TRAK2: variants seen among roughly 807,000 people sequenced by gnomAD.
TRAK2 encodes the protein trafficking kinesin protein 2.
TRAK2 carries 81 observed loss-of-function variants against 104.6 expected under a neutral mutation model. The observed-to-expected ratio is 0.77, with a 90% CI of 0.65 to 0.93. The LOEUF is 0.93. Among genes scored for constraint, TRAK2 ranks in the 40% least tolerant of loss-of-function variants. TRAK2 has a pLI of 0.00. For synonymous variants in TRAK2, 406 were observed against 394.4 expected (o/e 1.03, Z -0.35); for missense variants, 1,002 against 1,089.0 (o/e 0.92, Z 1.12).
chr2:201,387,700 T>C lies in TRAK2; in HGVS notation c.1696+3A>G. The C allele has an allele frequency of 6.3e-7, 1 of 1,584,624 alleles. No individual in the cohort carries two copies. The highest frequency in any genetic ancestry group is 1.1e-5 in the South Asian group (1 of 87,284). On this transcript the variant is annotated splice_donor_region_variant and intron_variant, in intron 13 of 15. Transcript: ENST00000332624. ...TTAGTAAGGGCCCTTACTGATTTAT[T>C]ACCTTCAAGGGGCTTGACAATTTGT... is the stretch of plus-strand genomic sequence containing the variant.
Position 201,407,480 on chromosome 2 carries a change from G to C in TRAK2, c.209C>G (p.Thr70Ser), listed in dbSNP as rs745310814. 4 of 1,614,014 alleles carry C rather than the reference G, an allele frequency of 2.5e-6. No homozygotes were observed. The highest frequency in any genetic ancestry group is 3.4e-6 in the Non-Finnish European group (4 of 1,179,860). Residue 70 changes from threonine to serine, a missense_variant, in exon 3 of 16, where the codon ACT (threonine) becomes AGT (serine). Thr to Ser is a moderately conservative substitution (Grantham distance 58, BLOSUM62 1). Transcript: ENST00000332624. ...TLFLYENQDW[T>S]QSPHQRQHAS... ...ATGCTGCCGCTGGTGTGGAGACTGAGTCCAGTCTTGATTTTCATATAGAAA... is the reference window on the plus strand; with the variant it reads ...ATGCTGCCGCTGGTGTGGAGACTGACTCCAGTCTTGATTTTCATATAGAAA...
intron 15 of TRAK2, among the ~76,000 whole-genome samples, chr2:201,383,585 G>C (rs1559436105): frequency 6.6e-6 from 1 of 152,336 alleles, no homozygotes; most frequent in Middle Eastern, 3.4e-3. Flanking sequence ...AAGGACACGT[G>C]TAGAATTCTC....
chr2:201,385,782 TCTCA>T (rs1307796883), intron 14 of TRAK2, among the ~76,000 whole-genome samples: 4 of 152,248 alleles, frequency 2.6e-5, no homozygotes, highest in Non-Finnish European at 5.9e-5. Flanking sequence ...CAACTGTTTT[TCTCA>T]CTATGTAAAA....
intron 12 of TRAK2, among the ~76,000 whole-genome samples, chr2:201,389,062 A>C (rs1329644609): frequency 6.6e-6 from 1 of 152,214 alleles, no homozygotes; most frequent in African/African-American, 2.4e-5. Flanking sequence ...GATTATGAGC[A>C]CGGATTATGA....
In TRAK2 at chr2:201,386,354, A is replaced by G. The variant is rs755429917; in HGVS notation, c.1827T>C (p.Asp609=). 1.2e-6 allele frequency: 2 copies of G among 1,614,158 alleles called. No homozygotes were observed. The highest frequency in any genetic ancestry group is 1.7e-6 in the Non-Finnish European group (2 of 1,180,012). The change falls in exon 14 of 16, where the codon GAT becomes GAC. Residue 609 remains aspartate, a synonymous_variant. Coordinates refer to ENST00000332624, the MANE Select transcript of TRAK2 (RefSeq NM_015049.3). Reference sequence around the variant, plus strand: ...TACCCTCCTCTTCATCCTCTTCTAAATCTGAGATGTGATAAATAGCATCCC... The same window carrying G: ...TACCCTCCTCTTCATCCTCTTCTAAGTCTGAGATGTGATAAATAGCATCCC... ...LPGDAIYHIS[D]LEEDEEEGIT...
chr2:201,437,890 C>A (rs1371051189), intron 1 of TRAK2, among the ~76,000 whole-genome samples: 1 of 152,186 alleles, frequency 6.6e-6, no homozygotes, highest in Non-Finnish European at 1.5e-5. Context: ...GTTTTTCATG[C>A]AGACTTTCTT....
At chr2:201,410,994 T>C (rs1171575990) in intron 2 of TRAK2, 7 of 1,460,200 alleles carry the variant, frequency 4.8e-6, no homozygotes, top group Non-Finnish European at 6.7e-6. Flanking sequence ...TCCTGAAGTC[T>C]GAAAGCCCAT....
intron 1 of TRAK2, among the ~76,000 whole-genome samples, chr2:201,448,276 T>C (rs2125665659): frequency 6.6e-6 from 1 of 152,386 alleles, no homozygotes; most frequent in East Asian, 1.9e-4. Flanking sequence ...GATTTTGATC[T>C]TGTCTTCTCT....
intron 9 of TRAK2, among the ~76,000 whole-genome samples, chr2:201,393,451 G>A (rs999198114): frequency 6.6e-6 from 1 of 152,100 alleles, no homozygotes; most frequent in East Asian, 1.9e-4. Flanking sequence ...AGCCTACAAA[G>A]TGTTATATAC....
In TRAK2 at chr2:201,423,037, C is replaced by CCACACACACACACA. The variant is rs142826543; in HGVS notation, c.-199-2345_-199-2332dup. Reference sequence around the variant, plus strand: ...TGGAATAACAACAGCAACACCACCACCACACACACACACACACACACACAC... The same window carrying CCACACACACACACA: ...TGGAATAACAACAGCAACACCACCACCACACACACACACACACACACACACACACACACACACAC... On this transcript the variant is annotated intron_variant, in intron 1 of 15. Transcript: ENST00000332624. 1.6e-3 allele frequency among the ~76,000 whole-genome samples: 212 copies of CCACACACACACACA among 134,220 alleles called. 1 individual carries two copies. The highest frequency in any genetic ancestry group is 3.2e-3 in the African/African-American group (112 of 35,388). The allele number at this position is 134,220 out of a possible 152,430, so 88.1% of individuals were successfully genotyped here. A position where few individuals can be genotyped will look rare whatever the true frequency, so the allele number is the denominator to read the frequency against.
rs538800729 is a variant in TRAK2, at chr2:201,430,621, T to C, written c.-199-9915A>G. 3.3e-5 allele frequency among the ~76,000 whole-genome samples: 5 copies of C among 152,362 alleles called. No homozygotes were observed. The South Asian group carries it at 1.0e-3, about 32-fold the overall frequency. ...CCAAGGCTCCGTGGGCATGGGACCC[T>C]CTGAGCCAGGCATGGGATATAATGT... On this transcript the variant is annotated intron_variant, in intron 1 of 15. Transcript: ENST00000332624.
chr2:201,398,026 T>G (rs2125645811), intron 6 of TRAK2, 119 bp downstream of exon 6: 1 of 945,014 alleles, frequency 1.1e-6, no homozygotes, highest in African/African-American at 1.6e-5. Context: ...TGTCCACGAC[T>G]CTCTAATTGG....
At chr2:201,396,751 G>A (rs1296758014) in intron 7 of TRAK2, among the ~76,000 whole-genome samples, 1 of 152,120 alleles carries the variant, frequency 6.6e-6, no homozygotes, top group African/African-American at 2.4e-5. Context: ...CTGAAGGCAG[G>A]TAGTATATAC....
intron 2 of TRAK2, chr2:201,410,528 C>T: frequency 9.4e-7 from 1 of 1,062,094 alleles, no homozygotes. Context: ...TGAAATAATC[C>T]TTCAAAATAG....
chr2:201,385,739 A>G (rs1282434439), intron 14 of TRAK2, among the ~76,000 whole-genome samples: 2 of 152,238 alleles, frequency 1.3e-5, no homozygotes, highest in Admixed American at 6.5e-5. Context: ...GAATAAAGCT[A>G]TTTTGTATTA....
At chr2:201,423,684 G>A (rs1951762285) in intron 1 of TRAK2, 1 of 152,182 alleles carries the variant, frequency 6.6e-6, no homozygotes, top group South Asian at 2.1e-4. Context: ...AAATTTCACT[G>A]AATTATACAC....
chr2:201,394,343 C>CTTTTTT lies in TRAK2; in HGVS notation c.975+454_975+455insAAAAAA, dbSNP rs369969654. On this transcript the variant is annotated intron_variant, in intron 9 of 15. Coordinates refer to ENST00000332624, the MANE Select transcript of TRAK2 (RefSeq NM_015049.3). Reference sequence around the variant, plus strand: ...ACTTTTAAAATGCTTTATTCTTTTTCTTTCTTTTTTTTTTTTTGAGACGAA... The same window carrying CTTTTTT: ...ACTTTTAAAATGCTTTATTCTTTTTCTTTTTTTTTCTTTTTTTTTTTTTGAGACGAA... Among the ~76,000 whole-genome samples the CTTTTTT allele has an allele frequency of 5.5e-5, 7 of 126,588 alleles. 3 individuals carry two copies. Among genetic ancestry groups the CTTTTTT allele is most frequent in the Non-Finnish European group, 1.2e-4 (7 of 59,442 alleles). 83.0% of individuals were successfully genotyped at this position (126,588 alleles called of 152,430 possible). A position where few individuals can be genotyped will look rare whatever the true frequency, so the allele number is the denominator to read the frequency against.
At chr2:201,425,328 AAAC>A (rs1164017781) in intron 1 of TRAK2, among the ~76,000 whole-genome samples, 1 of 152,380 alleles carries the variant, frequency 6.6e-6, no homozygotes, top group African/African-American at 2.4e-5. Flanking sequence ...TAGGTAAACT[AAAC>A]AACAGACTTC....
rs898623122 is a variant in TRAK2 at position 201,392,898 on chromosome 2, T to C, written c.1113+11A>G. The C allele has an allele frequency of 4.4e-6, 7 of 1,603,704 alleles. No individual in the cohort carries two copies. Among genetic ancestry groups the C allele is most frequent in the Non-Finnish European group, 6.0e-6 (7 of 1,176,408 alleles). On this transcript the variant is annotated intron_variant, in intron 10 of 15. Coordinates refer to ENST00000332624, the MANE Select transcript of TRAK2 (RefSeq NM_015049.3). ...TTCTTTAAATACATAGCATCTTTCTTAGTTGCTTACCCCAGTAAAAGCTCC... is the reference window on the plus strand; with the variant it reads ...TTCTTTAAATACATAGCATCTTTCTCAGTTGCTTACCCCAGTAAAAGCTCC...
Sources: allele counts gnomAD v4.1 joint callset (sites outside exome capture counted in the v4.1 genomes callset), GRCh38; gene constraint gnomAD v4.1.1; transcripts MANE v1.5; gene names NCBI Gene and HGNC (gene_info 2026-07-23, HGNC 2026-07-21).